Variants in CLYBL observed in about 807,000 individuals in gnomAD.
CLYBL encodes citramalyl-CoA lyase, mitochondrial.
In CLYBL, 31 loss-of-function variants were observed where a neutral mutation model predicts 38.9. The ratio of observed to expected loss-of-function variants is 0.80; its 90% CI spans 0.60 to 1.08. CLYBL has a LOEUF of 1.08. CLYBL is among the 50% of genes least tolerant of loss of function. The pLI, the probability that CLYBL is intolerant of heterozygous loss-of-function variation, is 0.00. For missense variants in CLYBL, 434 were observed against 411.6 expected (o/e 1.05, Z -0.47); for synonymous variants, 171 against 158.6 (o/e 1.08, Z -0.59).
chr13:99,858,806 T>G, intron 2 of CLYBL, 55 bp from the exon 3 acceptor site: 1 of 1,261,038 alleles, frequency 7.9e-7, no homozygotes, highest in African/African-American at 1.5e-5. Context: ...AACCATTTGA[T>G]GGTGCTCCCC....
intron 2 of CLYBL, among the ~76,000 whole-genome samples, chr13:99,800,920 A>G (rs978104892): frequency 2.1e-4 from 31 of 144,518 alleles, no homozygotes; most frequent in African/African-American, 7.6e-4. Flanking sequence ...AAAAAAAAAA[A>G]CGTAATTGGG....
At chr13:99,608,389 AC>A (rs2139160618) in intron 1 of CLYBL, among the ~76,000 whole-genome samples, 1 of 152,226 alleles carries the variant, frequency 6.6e-6, no homozygotes, top group South Asian at 2.1e-4. Flanking sequence ...TGAACTTCTT[AC>A]GTCTTCTTGC....
intron 2 of CLYBL, among the ~76,000 whole-genome samples, chr13:99,833,758 C>T (rs535786735): frequency 5.9e-5 from 8 of 135,338 alleles, no homozygotes; most frequent in Non-Finnish European, 7.6e-5. Context: ...GGCGCAATCT[C>T]GGCTCACTGC....
intron 7 of CLYBL, among the ~76,000 whole-genome samples, chr13:99,890,283 T>C (rs1274759455): frequency 6.6e-6 from 1 of 152,124 alleles, no homozygotes; most frequent in East Asian, 1.9e-4. Context: ...CTTTTACTAC[T>C]CTGAGCCTCA....
At chr13:99,815,164 G>A (rs191930287) in intron 2 of CLYBL, among the ~76,000 whole-genome samples, 133 of 152,290 alleles carry the variant, frequency 8.7e-4, no homozygotes, top group African/African-American at 2.6e-3. Flanking sequence ...GGATCCCTCC[G>A]TGGAACAATT....
At chr13:99,614,553 C>G (rs904835925) in intron 1 of CLYBL, among the ~76,000 whole-genome samples, 2 of 152,056 alleles carry the variant, frequency 1.3e-5, no homozygotes, top group South Asian at 2.1e-4. Flanking sequence ...GGGAGCTACA[C>G]CTGCCCGGGC....
intron 2 of CLYBL, among the ~76,000 whole-genome samples, chr13:99,857,691 C>G (rs577030886): frequency 6.6e-6 from 1 of 152,178 alleles, no homozygotes; most frequent in Non-Finnish European, 1.5e-5. Context: ...ATCTGCTGTC[C>G]TGGGTTGTCT....
At chr13:99,802,979 A>C (rs1024921508) in intron 2 of CLYBL, among the ~76,000 whole-genome samples, 1 of 152,196 alleles carries the variant, frequency 6.6e-6, no homozygotes, top group Non-Finnish European at 1.5e-5. Flanking sequence ...ACACTTTCCC[A>C]GCATGTGCCA....
downstream of CLYBL, among the ~76,000 whole-genome samples, chr13:99,898,032 T>C (rs1346289058): frequency 2.0e-5 from 3 of 152,114 alleles, no homozygotes; most frequent in Admixed American, 6.5e-5. Flanking sequence ...ATTCCTTTCA[T>C]TACATAAATA....
chr13:99,899,863 G>A (rs562053083), downstream of CLYBL, among the ~76,000 whole-genome samples: 9 of 152,226 alleles, frequency 5.9e-5, 1 homozygote, highest in Admixed American at 2.0e-4. Context: ...ATCCCACTGC[G>A]CAGAGCTGGT....
In CLYBL at chr13:99,659,158, CAG is replaced by C. The variant is rs537262486; in HGVS notation, c.62+52406_62+52407del. Among the ~76,000 whole-genome samples, 323 of 152,150 alleles carry C rather than the reference CAG, an allele frequency of 2.1e-3. 2 individuals carry two copies. The highest frequency in any genetic ancestry group is 7.3e-3 in the African/African-American group (304 of 41,486). The stretch of plus-strand genomic sequence containing the variant: ...TTCACCCTTGCATTTTAATTTCTGA[CAG>C]AGAGGGGATTAGTATTCCTCTTCTA... On this transcript the variant is annotated intron_variant, in intron 1 of 8. Transcript: ENST00000339105.
Position 99,703,628 on chromosome 13 carries a change from A to G in CLYBL, c.63-69196A>G, listed in dbSNP as rs199613810. Among the ~76,000 whole-genome samples, 40 of 152,324 alleles carry G rather than the reference A, an allele frequency of 2.6e-4. No homozygotes were observed. In the East Asian group the frequency reaches 7.7e-3, roughly 29 times the overall value. ...CGTGATCCGCCCACCTTGGCCTCCC[A>G]TAGCACTGGGATTACACATATGAGC... is the stretch of plus-strand genomic sequence containing the variant. On this transcript the variant is annotated intron_variant, in intron 1 of 8. Coordinates refer to ENST00000339105, the MANE Select transcript of CLYBL (RefSeq NM_206808.5).
intron 7 of CLYBL, among the ~76,000 whole-genome samples, chr13:99,871,932 T>C (rs956117167): frequency 1.1e-4 from 16 of 151,528 alleles, no homozygotes; most frequent in Non-Finnish European, 7.4e-5. Context: ...GCAAAATTAC[T>C]TAGGAGAAAG....
At chr13:99,712,336 T>C (rs2048247479) in intron 1 of CLYBL, among the ~76,000 whole-genome samples, 2 of 149,708 alleles carry the variant, frequency 1.3e-5, no homozygotes, top group African/African-American at 4.9e-5. Context: ...ATTGACTTTT[T>C]TTTTTTTTTT....
chr13:99,658,427 C>G (rs1270187235), intron 1 of CLYBL, among the ~76,000 whole-genome samples: 1 of 152,226 alleles, frequency 6.6e-6, no homozygotes, highest in African/African-American at 2.4e-5. Context: ...CCTCCCACTT[C>G]CAGGAGGGAC....
At chr13:99,801,361 T>A (rs987696227) in intron 2 of CLYBL, among the ~76,000 whole-genome samples, 2 of 152,052 alleles carry the variant, frequency 1.3e-5, no homozygotes, top group African/African-American at 2.4e-5. Flanking sequence ...CCAAAATAAA[T>A]GAAAAAATAG....
chr13:99,790,664 G>A (rs988518270), intron 2 of CLYBL, among the ~76,000 whole-genome samples: 2 of 151,998 alleles, frequency 1.3e-5, no homozygotes, highest in African/African-American at 4.8e-5. Flanking sequence ...TCTCCCCTTC[G>A]CATGTTCAGA....
chr13:99,669,605 T>G (rs921739309), intron 1 of CLYBL, among the ~76,000 whole-genome samples: 2 of 152,238 alleles, frequency 1.3e-5, no homozygotes, highest in African/African-American at 4.8e-5. Context: ...AAAAGATTTC[T>G]TAGTTTACTG....
intron 2 of CLYBL, among the ~76,000 whole-genome samples, chr13:99,806,172 A>T (rs540728035): frequency 2.2e-4 from 33 of 152,254 alleles, no homozygotes; most frequent in African/African-American, 7.2e-4. Context: ...GGGTACAAAC[A>T]TTTTTGTGAA....
Sources: allele counts gnomAD v4.1 joint callset (sites outside exome capture counted in the v4.1 genomes callset), GRCh38; gene constraint gnomAD v4.1.1; transcripts MANE v1.5; gene names NCBI Gene and HGNC (gene_info 2026-07-23, HGNC 2026-07-21).